SIRPB1: variants seen among roughly 807,000 people sequenced by gnomAD.
SIRPB1 encodes signal-regulatory protein beta-1.
A neutral mutation model predicts 34.1 loss-of-function variants in SIRPB1; 28 were observed. The observed-to-expected ratio is 0.82, with a 90% CI of 0.61 to 1.12. The LOEUF is 1.12. Among genes scored for constraint, SIRPB1 ranks in the 50% most tolerant of loss-of-function variants. The probability of loss-of-function intolerance (pLI) is 0.00; values close to 1 mark genes in which losing one functional copy is unlikely to be tolerated. For missense variants in SIRPB1, 499 were observed against 507.0 expected, an observed-to-expected ratio of 0.98 and a Z score of 0.15; for synonymous variants, 211 against 203.8, an observed-to-expected ratio of 1.04 and a Z score of -0.30.
intron 1 of SIRPB1, among the ~76,000 whole-genome samples, chr20:1,600,453 G>C (rs1237506394): frequency 2.0e-5 from 1 of 48,906 alleles, no homozygotes; most frequent in Non-Finnish European, 3.9e-5. Context: ...GTTCTCAGCT[G>C]GGGGGCTCTC....
In SIRPB1 at chr20:1,566,183, A is replaced by T; in HGVS notation, c.1169T>A (p.Ile390Asn). 1 of 1,611,308 alleles carries T rather than the reference A, an allele frequency of 6.2e-7. No individual in the cohort carries two copies. The highest frequency in any genetic ancestry group is 1.1e-5 in the South Asian group (1 of 90,352). The change falls in exon 5 of 6, where the codon ATC (isoleucine) becomes AAC (asparagine). Residue 390 changes from isoleucine to asparagine, a missense_variant. By Grantham distance (149) the Ile-to-Asn change is moderately radical. Coordinates refer to ENST00000381605, the MANE Select transcript of SIRPB1 (RefSeq NM_006065.5). ...GGCCTTCTGTTTCCAGCAGATGTAG[A>T]TGGCAGAGACACCAACCACCAGTAG... Reference protein sequence around the residue: ...KLLLVVGVSAIYICWKQKA With the variant: ...KLLLVVGVSANYICWKQKA
In SIRPB1 at chr20:1,563,135, AG is replaced by A. The variant is rs1313856331; in HGVS notation, c.*2364del. Among the ~76,000 whole-genome samples the A allele has an allele frequency of 6.6e-6, 1 of 152,222 alleles. No individual in the cohort carries two copies. The highest frequency in any genetic ancestry group is 1.5e-5 in the Non-Finnish European group (1 of 68,028). On this transcript the variant is annotated 3_prime_UTR_variant, in exon 6 of 6. Transcript: ENST00000381605. The stretch of plus-strand genomic sequence containing the variant: ...GTGATTCCACAATATTGAAAATTCA[AG>A]GGATAAGATGTTGGAAGCTAGTCCA...
intron 2 of SIRPB1, 122 bp from the exon 3 acceptor site, chr20:1,572,159 A>G: frequency 6.8e-7 from 1 of 1,468,522 alleles, no homozygotes; most frequent in Non-Finnish European, 9.2e-7. Context: ...AATGTCGTGA[A>G]GGCAGTGTCC....
chr20:1,582,299 C>T (rs1416326393), intron 1 of SIRPB1, among the ~76,000 whole-genome samples: 1 of 48,964 alleles, frequency 2.0e-5, no homozygotes, highest in Non-Finnish European at 3.9e-5. Context: ...CCACTAGAAT[C>T]TCCTGATTTG....
Position 1,571,733 on chromosome 20 carries a change from A to G in SIRPB1, c.738T>C (p.Ser246=), listed in dbSNP as rs1308006493. 6.2e-7 allele frequency: 1 copy of G among 1,614,226 alleles called. No homozygotes were observed. Among genetic ancestry groups the G allele is most frequent in the Admixed American group, 1.7e-5 (1 of 60,030 alleles). The change falls in exon 3 of 6, where the codon TCT becomes TCC. Residue 246 remains serine (S), a synonymous_variant. Transcript: ENST00000381605. ...GDPLRGTANL[S]EAIRVPPTLE... ...AGGGTCTTCTACCTCGGATGGCCTC[A>G]GACAAGTTGGCAGTCCCACGAAGAG...
chr20:1,570,243 G>T (rs1253702665), intron 4 of SIRPB1, among the ~76,000 whole-genome samples: 2 of 152,218 alleles, frequency 1.3e-5, no homozygotes, highest in Admixed American at 6.5e-5. Context: ...TGTGATTATT[G>T]TTGGTCAAAT....
At position 1,576,347 on chromosome 20, in the gene SIRPB1, G is replaced by C. The variant is rs1407599640; in HGVS notation, c.433+1991C>G. On this transcript the variant is annotated intron_variant, in intron 2 of 5. Coordinates refer to ENST00000381605, the MANE Select transcript of SIRPB1 (RefSeq NM_006065.5). ...ATGTACATGAAAGCATCATGTTTTAGGCTTTACATATACACATTTTTTTAA... is the reference window on the plus strand; with the variant it reads ...ATGTACATGAAAGCATCATGTTTTACGCTTTACATATACACATTTTTTTAA... 2.0e-5 allele frequency among the ~76,000 whole-genome samples: 3 copies of C among 147,732 alleles called. 1 individual carries two copies. Among genetic ancestry groups the C allele is most frequent in the Admixed American group, 6.7e-5 (1 of 14,948 alleles).
At chr20:1,572,222 G>A (rs2091252666) in intron 2 of SIRPB1, among the ~76,000 whole-genome samples, 185 bp from the exon 3 acceptor site, 1 of 152,164 alleles carries the variant, frequency 6.6e-6, no homozygotes, top group South Asian at 2.1e-4. Context: ...TGAGAACCAG[G>A]CCATGGTCAG....
intron 1 of SIRPB1, among the ~76,000 whole-genome samples, chr20:1,615,516 C>T (rs1313036924): frequency 6.6e-6 from 1 of 152,226 alleles, no homozygotes; most frequent in Non-Finnish European, 1.5e-5. Flanking sequence ...CCAGGTAGAG[C>T]TGCACACCTT....
chr20:1,566,274 ATC>A lies in SIRPB1; in HGVS notation c.1085-9_1085-8del. The A allele has an allele frequency of 6.3e-7, 1 of 1,578,022 alleles. No homozygotes were observed. Among genetic ancestry groups the A allele is most frequent in the Non-Finnish European group, 8.6e-7 (1 of 1,158,608 alleles). On this transcript the variant is annotated splice_region_variant and splice_polypyrimidine_tract_variant and intron_variant, in intron 4 of 5. Coordinates refer to ENST00000381605, the MANE Select transcript of SIRPB1 (RefSeq NM_006065.5). ...GTAGGAGCCAGCGCTGCTTCTGGAA[ATC>A]AGGGAAGAGGAGGAGCCATGAGAGG...
At chr20:1,578,147 T>A in intron 2 of SIRPB1, 191 bp downstream of exon 2, 2 of 640,682 alleles carry the variant, frequency 3.1e-6, no homozygotes, top group Non-Finnish European at 5.4e-6. Flanking sequence ...TTACAAGCCG[T>A]GGAGCCTCGA....
At chr20:1,570,720 C>G in intron 4 of SIRPB1, 85 bp downstream of exon 4, 1 of 1,121,442 alleles carries the variant, frequency 8.9e-7, no homozygotes, top group East Asian at 2.4e-5. Flanking sequence ...TATTTATAGA[C>G]TTCTAGCTTA....
chr20:1,562,218 G>A lies in SIRPB1; in HGVS notation c.*3282C>T, dbSNP rs2091088157. 6.6e-6 allele frequency among the ~76,000 whole-genome samples: 1 copy of A among 151,968 alleles called. No individual in the cohort carries two copies. Among genetic ancestry groups the A allele is most frequent in the Non-Finnish European group, 1.5e-5 (1 of 68,002 alleles). On this transcript the variant is annotated 3_prime_UTR_variant, in exon 6 of 6. Coordinates refer to ENST00000381605, the MANE Select transcript of SIRPB1 (RefSeq NM_006065.5). ...TTCTAGAGGATGTTGAATTTTTGAT[G>A]GAATGTTTTAAACAGAAAGAAGAGA...
chr20:1,578,867 CTG>C (rs1308174138), intron 1 of SIRPB1, among the ~76,000 whole-genome samples, 173 bp from the exon 2 acceptor site: 3 of 148,440 alleles, frequency 2.0e-5, no homozygotes, highest in Non-Finnish European at 4.5e-5. Flanking sequence ...TGACGTAAGA[CTG>C]TAATACAAGC....
intron 2 of SIRPB1, among the ~76,000 whole-genome samples, 170 bp from the exon 3 acceptor site, chr20:1,572,207 A>G (rs541256101): frequency 1.3e-5 from 2 of 152,312 alleles, no homozygotes; most frequent in African/African-American, 4.8e-5. Flanking sequence ...AACAGCTCTT[A>G]GAGGTGAGAA....
intron 3 of SIRPB1, among the ~76,000 whole-genome samples, chr20:1,571,402 G>T (rs1214107044): frequency 6.6e-6 from 1 of 152,356 alleles, no homozygotes; most frequent in East Asian, 1.9e-4. Flanking sequence ...CTGGCATGCA[G>T]TTGGAATGTA....
chr20:1,563,204 T>C lies in SIRPB1; in HGVS notation c.*2296A>G, dbSNP rs73570834. On this transcript the variant is annotated 3_prime_UTR_variant, in exon 6 of 6. Transcript: ENST00000381605. ...AAACACCAAGGTATAATAGAAATGA[T>C]GCTTGCTGGCTAGGCATGGTGGCTC... is the stretch of plus-strand genomic sequence containing the variant. Among the ~76,000 whole-genome samples the C allele has an allele frequency of 9.6e-3, 1,458 of 152,284 alleles. 27 individuals are homozygous for C. Among genetic ancestry groups the C allele is most frequent in the African/African-American group, 0.034 (1,421 of 41,556 alleles).
chr20:1,570,565 T>C (rs1043249054), intron 4 of SIRPB1: 15 of 414,628 alleles, frequency 3.6e-5, no homozygotes, highest in Non-Finnish European at 6.4e-5. Flanking sequence ...ATCTATCAAG[T>C]TGTGCATCAG....
At position 1,564,540 on chromosome 20, in the gene SIRPB1, T is replaced by G. The variant is rs149708397; in HGVS notation, c.*960A>C. On this transcript the variant is annotated 3_prime_UTR_variant, in exon 6 of 6. Coordinates refer to ENST00000381605, the MANE Select transcript of SIRPB1 (RefSeq NM_006065.5). ...GGCTGAAAAATGAAAGCCAGAGGAGTGGTCCCCAAAGAGATGATGCTGGCT... is the reference window on the plus strand; with the variant it reads ...GGCTGAAAAATGAAAGCCAGAGGAGGGGTCCCCAAAGAGATGATGCTGGCT... The G allele has an allele frequency of 5.6e-6, 1 of 179,218 alleles. No homozygotes were observed. The highest frequency in any genetic ancestry group is 1.3e-4 in the East Asian group (1 of 7,640). The allele number at this position is 179,218 out of a possible 1,614,324, so 11.1% of individuals were successfully genotyped here. A position where few individuals can be genotyped will look rare whatever the true frequency, so the allele number is the denominator to read the frequency against.
Sources: gnomAD v4.1 joint callset for allele counts (sites outside exome capture counted in the v4.1 genomes callset) on GRCh38, gnomAD v4.1.1 for gene constraint, MANE v1.5 for transcripts, NCBI Gene and HGNC (gene_info 2026-07-23, HGNC 2026-07-21) for gene names.